The following CPNE5 variants were observed in gnomAD, a reference collection of about 807,000 sequenced individuals.
CPNE5 encodes the protein copine 5.
A neutral mutation model predicts 81.1 loss-of-function variants in CPNE5; 42 were observed. That is an observed-to-expected ratio of 0.52 (90% CI 0.40 to 0.67). The LOEUF is 0.67. CPNE5 is among the 30% of genes least tolerant of loss of function. The pLI is 0.00. For synonymous variants in CPNE5, 313 were observed against 321.5 expected, an observed-to-expected ratio of 0.97 and a Z score of 0.28; for missense variants, 612 against 815.5, an observed-to-expected ratio of 0.75 and a Z score of 3.04.
chr6:36,794,488 C>T (rs528034290), intron 7 of CPNE5, 102 bp downstream of exon 7: 7 of 1,118,370 alleles, frequency 6.3e-6, no homozygotes, highest in East Asian at 2.5e-5. Flanking sequence ...GGGCCAAATT[C>T]GCAGTGATGG....
chr6:36,803,718 C>T (rs1770336044), intron 3 of CPNE5, among the ~76,000 whole-genome samples: 1 of 152,210 alleles, frequency 6.6e-6, no homozygotes, highest in Admixed American at 6.5e-5. Context: ...CATTAATTAA[C>T]AGGCTTTGAT....
At chr6:36,802,930 C>G (rs115006749) in intron 3 of CPNE5, among the ~76,000 whole-genome samples, 45 of 152,240 alleles carry the variant, frequency 3.0e-4, no homozygotes, top group African/African-American at 1.1e-3. Context: ...TGATGGCGCA[C>G]GCCTATAGTC....
intron 8 of CPNE5, among the ~76,000 whole-genome samples, chr6:36,780,463 A>T (rs1023254949): frequency 6.6e-6 from 1 of 152,204 alleles, no homozygotes; most frequent in Non-Finnish European, 1.5e-5. Context: ...ATCCCTCCTT[A>T]GCTGCGTGAC....
At chr6:36,839,468 T>G, upstream of CPNE5, 2 of 1,074,380 alleles carry the variant, frequency 1.9e-6, no homozygotes, top group South Asian at 3.4e-5. This position sits in a 1 kb window ranked among gnomAD's most constrained non-coding sequence, Gnocchi z 7.3. Flanking sequence ...CTCCCCCAAC[T>G]CCAGAGCCTG....
intron 7 of CPNE5, among the ~76,000 whole-genome samples, chr6:36,794,140 G>A (rs937033034): frequency 8.6e-5 from 13 of 150,440 alleles, no homozygotes; most frequent in African/African-American, 2.9e-4. Context: ...AGGAGGAGGC[G>A]GACATCCAGC....
chr6:36,791,913 C>T (rs1769128175), intron 8 of CPNE5, 120 bp downstream of exon 8: 1 of 849,726 alleles, frequency 1.2e-6, no homozygotes, highest in East Asian at 2.4e-5. Flanking sequence ...TCTATGACAG[C>T]CAGGTCAGCA....
chr6:36,760,144 G>A (rs562097475), intron 12 of CPNE5, among the ~76,000 whole-genome samples: 1 of 150,886 alleles, frequency 6.6e-6, no homozygotes, highest in East Asian at 1.9e-4. Context: ...GAGCCTGGAA[G>A]TAGAGGTGGA....
intron 1 of CPNE5, among the ~76,000 whole-genome samples, chr6:36,833,593 TG>T (rs1773153650): frequency 1.3e-5 from 2 of 152,194 alleles, no homozygotes; most frequent in Non-Finnish European, 2.9e-5. Flanking sequence ...GGCAAGGGCC[TG>T]GGGGTGGACT....
rs540519478 is a variant in CPNE5 at position 36,742,977 on chromosome 6, G to T, written c.1564-491C>A. Reference sequence around the variant, plus strand: ...CCCGGGGGTGCCCTCCATCCTGAGCGCCTCTTCTGGCTCACTCCTGCCTCC... The same window carrying T: ...CCCGGGGGTGCCCTCCATCCTGAGCTCCTCTTCTGGCTCACTCCTGCCTCC... On this transcript the variant is annotated intron_variant, in intron 20 of 20. Transcript: ENST00000244751. The T allele has an allele frequency of 1.0e-5, 10 of 985,218 alleles. No homozygotes were observed. In the African/African-American group the frequency reaches 1.6e-4, roughly 15 times the overall value. The allele number at this position is 985,218 out of a possible 1,614,324, so 61.0% of individuals were successfully genotyped here. A position where few individuals can be genotyped will look rare whatever the true frequency, so the allele number is the denominator to read the frequency against.
chr6:36,811,148 C>A (rs575082010), intron 3 of CPNE5, among the ~76,000 whole-genome samples: 1 of 152,304 alleles, frequency 6.6e-6, no homozygotes, highest in South Asian at 2.1e-4. Flanking sequence ...CTCTCCACCA[C>A]CTTGTCCCCA....
At chr6:36,765,901 A>G (rs1407009422) in intron 10 of CPNE5, among the ~76,000 whole-genome samples, 1 of 152,176 alleles carries the variant, frequency 6.6e-6, no homozygotes, top group Non-Finnish European at 1.5e-5. Flanking sequence ...TTCCATCCCC[A>G]CGACTGGCTC....
intron 7 of CPNE5, 198 bp from the exon 8 acceptor site, chr6:36,792,294 C>T: frequency 6.7e-7 from 1 of 1,486,854 alleles, no homozygotes; most frequent in Non-Finnish European, 9.1e-7. Context: ...GGGACCGGGT[C>T]CCCGAGCCTG....
intron 15 of CPNE5, among the ~76,000 whole-genome samples, chr6:36,747,791 G>GCCAGGTAAGGACTGGGGT (rs1207250720): frequency 1.3e-5 from 2 of 152,244 alleles, no homozygotes; most frequent in Non-Finnish European, 2.9e-5. Context: ...GGCAGCCCCA[G>GCCAGGTAAGGACTGGGGT]CCAGGTAAGG....
intron 1 of CPNE5, chr6:36,838,637 T>C: frequency 5.0e-6 from 2 of 397,366 alleles, no homozygotes; most frequent in Non-Finnish European, 6.8e-6. Context: ...GGCTTAAGAT[T>C]TTTGACCCAA....
chr6:36,827,309 A>G (rs1772585056), intron 1 of CPNE5: 1 of 985,140 alleles, frequency 1.0e-6, no homozygotes, highest in Admixed American at 6.1e-5. Context: ...GAACCCTCAG[A>G]GCCTGCTAAA....
At chr6:36,803,072 C>G (rs1770272540) in intron 3 of CPNE5, among the ~76,000 whole-genome samples, 1 of 151,986 alleles carries the variant, frequency 6.6e-6, no homozygotes, top group African/African-American at 2.4e-5. Flanking sequence ...AGGGAAGCTC[C>G]CACTCCAGGT....
At chr6:36,795,171 AT>A (rs1193622631) in intron 6 of CPNE5, among the ~76,000 whole-genome samples, 1 of 151,924 alleles carries the variant, frequency 6.6e-6, no homozygotes, top group Non-Finnish European at 1.5e-5. Flanking sequence ...AGTCTTTTTT[AT>A]TTTTTTATTT....
At chr6:36,823,465 T>A (rs1772236459) in intron 1 of CPNE5, among the ~76,000 whole-genome samples, 1 of 152,140 alleles carries the variant, frequency 6.6e-6, no homozygotes, top group Admixed American at 6.5e-5. Flanking sequence ...TCTCTGCTTC[T>A]CAAAAAAATA....
intron 3 of CPNE5, among the ~76,000 whole-genome samples, chr6:36,816,021 T>C (rs1400074590): frequency 6.6e-6 from 1 of 152,208 alleles, no homozygotes; most frequent in Non-Finnish European, 1.5e-5. Context: ...ATGTCCCTCT[T>C]CCCAGTGGAA....
Sources: allele counts gnomAD v4.1 joint callset (sites outside exome capture counted in the v4.1 genomes callset), GRCh38; gene constraint gnomAD v4.1.1; non-coding constraint Gnocchi (gnomAD v3.1); transcripts MANE v1.5; gene names NCBI Gene and HGNC (gene_info 2026-07-23, HGNC 2026-07-21).